The following PLCXD3 variants were observed in gnomAD, a reference collection of about 807,000 sequenced individuals.
PLCXD3 encodes phosphatidylinositol specific phospholipase C X domain containing 3, also known as PI-PLC X domain-containing protein 3.
In PLCXD3, 19 loss-of-function variants were observed where a neutral mutation model predicts 25.5. That is an observed-to-expected ratio of 0.75 (90% CI 0.52 to 1.09). PLCXD3 has a LOEUF of 1.09. Ranked by LOEUF, PLCXD3 falls within the 50% of genes least tolerant of loss-of-function variation. The pLI is 0.00. For missense variants in PLCXD3, 411 were observed against 388.1 expected, an observed-to-expected ratio of 1.06 and a Z score of -0.50; for synonymous variants, 174 against 137.6, an observed-to-expected ratio of 1.26 and a Z score of -1.85.
intron 2 of PLCXD3, among the ~76,000 whole-genome samples, chr5:41,376,039 T>A (rs974191055): frequency 6.6e-6 from 1 of 152,080 alleles, no homozygotes; most frequent in East Asian, 1.9e-4. Context: ...GCCTGGCACA[T>A]AATGTGGGCT....
chr5:41,461,434 A>C (rs1747873136), intron 1 of PLCXD3, among the ~76,000 whole-genome samples: 1 of 151,952 alleles, frequency 6.6e-6, no homozygotes, highest in Non-Finnish European at 1.5e-5. Context: ...CCACTGAGTC[A>C]CTGCAATCTG....
intron 2 of PLCXD3, among the ~76,000 whole-genome samples, chr5:41,340,675 A>G (rs1275225160): frequency 1.3e-5 from 2 of 152,182 alleles, no homozygotes; most frequent in Non-Finnish European, 2.9e-5. Context: ...CAAAGCAGTT[A>G]AAGTCTCTCA....
chr5:41,334,325 T>G (rs1743919730), intron 2 of PLCXD3, among the ~76,000 whole-genome samples: 1 of 152,108 alleles, frequency 6.6e-6, no homozygotes, highest in Non-Finnish European at 1.5e-5. Context: ...CAGGTGACAA[T>G]ATCTTTGATA....
chr5:41,503,120 T>C (rs1748986718), intron 1 of PLCXD3, among the ~76,000 whole-genome samples: 1 of 152,170 alleles, frequency 6.6e-6, no homozygotes. Flanking sequence ...GCCTGAGACA[T>C]GCATTGAAGA....
intron 2 of PLCXD3, among the ~76,000 whole-genome samples, chr5:41,364,953 C>T (rs1228902170): frequency 6.6e-6 from 1 of 152,210 alleles, no homozygotes; most frequent in South Asian, 2.1e-4. Flanking sequence ...ACGTAACATG[C>T]ATTTAGCAAA....
At chr5:41,423,338 G>A (rs1393192564) in intron 1 of PLCXD3, among the ~76,000 whole-genome samples, 1 of 151,892 alleles carries the variant, frequency 6.6e-6, no homozygotes, top group African/African-American at 2.4e-5. Flanking sequence ...TAAGGCTTTT[G>A]AATTTTCTGC....
chr5:41,399,364 C>A (rs1040119532), intron 1 of PLCXD3, among the ~76,000 whole-genome samples: 2 of 152,034 alleles, frequency 1.3e-5, no homozygotes, highest in East Asian at 3.8e-4. Flanking sequence ...TATATGGAAC[C>A]ACAAAAGACC....
intron 1 of PLCXD3, among the ~76,000 whole-genome samples, chr5:41,400,618 T>G (rs1746151787): frequency 1.3e-5 from 2 of 152,136 alleles, no homozygotes; most frequent in South Asian, 4.1e-4. Context: ...TTCTTACTTG[T>G]ATATGAGATC....
chr5:41,444,904 A>G (rs1458491834), intron 1 of PLCXD3, among the ~76,000 whole-genome samples: 1 of 152,250 alleles, frequency 6.6e-6, no homozygotes, highest in Non-Finnish European at 1.5e-5. Context: ...ATAAATTATT[A>G]GAATATTTTG....
chr5:41,488,918 A>C (rs1748583723), intron 1 of PLCXD3, among the ~76,000 whole-genome samples: 1 of 151,590 alleles, frequency 6.6e-6, no homozygotes, highest in Non-Finnish European at 1.5e-5. Flanking sequence ...TGCTGTGCAG[A>C]AGCTCTTTAG....
chr5:41,358,488 A>G (rs1165307813), intron 2 of PLCXD3, among the ~76,000 whole-genome samples: 2 of 152,056 alleles, frequency 1.3e-5, no homozygotes, highest in Admixed American at 6.5e-5. Context: ...TCAAAGTCCA[A>G]TGTATCATTC....
chr5:41,415,827 G>T (rs916566137), intron 1 of PLCXD3, among the ~76,000 whole-genome samples: 1 of 152,142 alleles, frequency 6.6e-6, no homozygotes, highest in Admixed American at 6.5e-5. Flanking sequence ...ATCTGTCAAA[G>T]TGTTAAAACA....
chr5:41,510,360 T>G lies in PLCXD3; in HGVS notation c.103+64A>C, dbSNP rs541135282. 1.2e-3 allele frequency: 1,686 copies of G among 1,405,520 alleles called. 11 individuals are homozygous for G. The highest frequency in any genetic ancestry group is 6.9e-3 in the Middle Eastern group (38 of 5,516). 87.1% of individuals were successfully genotyped at this position (1,405,520 alleles called of 1,614,324 possible). The stretch of plus-strand genomic sequence containing the variant: ...TGGCAAGTTACCACTTAGTGGCAGA[T>G]AAAGCAGGGCGGGGCAGGTGGAGCG... On this transcript the variant is annotated intron_variant, in intron 1 of 2. Transcript: ENST00000377801.
At chr5:41,478,850 AG>A (rs1748335249) in intron 1 of PLCXD3, among the ~76,000 whole-genome samples, 1 of 152,192 alleles carries the variant, frequency 6.6e-6, no homozygotes, top group Admixed American at 6.5e-5. Context: ...AGAAGGGCGA[AG>A]GGGAAGCAAG....
intron 1 of PLCXD3, among the ~76,000 whole-genome samples, chr5:41,463,162 A>T (rs1747933414): frequency 1.3e-5 from 2 of 152,048 alleles, no homozygotes; most frequent in South Asian, 4.1e-4. Flanking sequence ...AATCTCACCT[A>T]ACCATTGATT....
chr5:41,497,016 A>T (rs545154610), intron 1 of PLCXD3, among the ~76,000 whole-genome samples: 34 of 151,874 alleles, frequency 2.2e-4, no homozygotes, highest in African/African-American at 7.9e-4. Flanking sequence ...GTGTTGTAAG[A>T]TATTTCATGT....
intron 1 of PLCXD3, among the ~76,000 whole-genome samples, chr5:41,446,176 CAAAAAAAA>C (rs70988847): frequency 7.1e-4 from 27 of 38,122 alleles, no homozygotes; most frequent in South Asian, 2.1e-3. Context: ...GACTCCTTCT[CAAAAAAAA>C]AAAAAAAAAA....
intron 2 of PLCXD3, among the ~76,000 whole-genome samples, chr5:41,326,123 A>G (rs1228768403): frequency 6.6e-6 from 1 of 152,200 alleles, no homozygotes; most frequent in East Asian, 1.9e-4. Flanking sequence ...ATCACAGCAA[A>G]GAAAAACTGG....
At chr5:41,490,112 A>AATACC (rs1241591533) in intron 1 of PLCXD3, among the ~76,000 whole-genome samples, 1 of 152,196 alleles carries the variant, frequency 6.6e-6, no homozygotes, top group Non-Finnish European at 1.5e-5. Context: ...ATGTCCCATC[A>AATACC]ATACCTAATT....
Sources: gnomAD v4.1 joint callset for allele counts (sites outside exome capture counted in the v4.1 genomes callset) on GRCh38, gnomAD v4.1.1 for gene constraint, MANE v1.5 for transcripts, NCBI Gene and HGNC (gene_info 2026-07-23, HGNC 2026-07-21) for gene names.